BICDL1: variants seen among roughly 807,000 people sequenced by gnomAD.
The protein encoded by BICDL1 is BICD family-like cargo adapter 1.
In BICDL1, 20 loss-of-function variants were observed where a neutral mutation model predicts 76.8. That is an observed-to-expected ratio of 0.26 (90% CI 0.18 to 0.38). The LOEUF is 0.38. Among genes scored for constraint, BICDL1 ranks in the 10% least tolerant of loss-of-function variants. The pLI is 1.00. For synonymous variants in BICDL1, 383 were observed against 337.1 expected (o/e 1.14, Z -1.49); for missense variants, 700 against 798.6 (o/e 0.88, Z 1.49).
intron 2 of BICDL1, among the ~76,000 whole-genome samples, chr12:120,004,931 C>T (rs978497677): frequency 2.1e-4 from 32 of 152,114 alleles, no homozygotes; most frequent in Non-Finnish European, 4.6e-4. Context: ...AAGGGATTCT[C>T]CTGTCTCAGC....
chr12:120,071,814 C>G lies in BICDL1; in HGVS notation c.1089+13C>G, dbSNP rs1159513426. 1.3e-6 allele frequency: 2 copies of G among 1,591,052 alleles called. No individual in the cohort carries two copies. Among genetic ancestry groups the G allele is most frequent in the Admixed American group, 1.8e-5 (1 of 56,868 alleles). On this transcript the variant is annotated intron_variant, in intron 5 of 9. Coordinates refer to ENST00000548673, the MANE Select transcript of BICDL1 (RefSeq NM_001367886.1). The surrounding 1 kb of genome is among the most constrained non-coding windows in gnomAD (Gnocchi z 4.8). ...GGAGCGAGAGCAGGTGCTGACCTGC[C>G]TGTCACCCCACAGGCGAGGCTACCT... is the stretch of plus-strand genomic sequence containing the variant.
chr12:120,030,869 CAAAT>C (rs1229768280), intron 2 of BICDL1, among the ~76,000 whole-genome samples: 1 of 152,160 alleles, frequency 6.6e-6, no homozygotes, highest in Non-Finnish European at 1.5e-5. Context: ...CTGGGTATGA[CAAAT>C]AACCAGTTTG....
Position 120,050,336 on chromosome 12 carries a change from G to A in BICDL1, c.646-11374G>A, listed in dbSNP as rs575170221. 1.5e-3 allele frequency among the ~76,000 whole-genome samples: 223 copies of A among 149,338 alleles called. 1 individual carries two copies. Among genetic ancestry groups the A allele is most frequent in the African/African-American group, 5.1e-3 (205 of 40,506 alleles). On this transcript the variant is annotated intron_variant, in intron 2 of 9. Transcript: ENST00000548673. ...GGCTGGAGTGCAGTGGCGTGATCTC[G>A]GCTCACTGCAAGCTACACCTCCTGG...
At chr12:120,088,519 G>A (rs1315444628) in intron 8 of BICDL1, among the ~76,000 whole-genome samples, 2 of 151,504 alleles carry the variant, frequency 1.3e-5, no homozygotes, top group African/African-American at 4.9e-5. Context: ...ACCACACCCA[G>A]CTAATTTTTG....
intron 2 of BICDL1, among the ~76,000 whole-genome samples, chr12:120,037,924 G>A (rs559896453): frequency 1.4e-4 from 22 of 152,290 alleles, no homozygotes; most frequent in African/African-American, 5.3e-4. Context: ...TTGGCAGGGA[G>A]CAAACTACTC....
intron 2 of BICDL1, among the ~76,000 whole-genome samples, chr12:120,035,720 T>C (rs1367044104): frequency 6.6e-6 from 1 of 152,212 alleles, no homozygotes; most frequent in Non-Finnish European, 1.5e-5. Context: ...AATGAAATGT[T>C]ATAATAAAAG....
intron 2 of BICDL1, among the ~76,000 whole-genome samples, chr12:120,036,731 C>T (rs1594147849): frequency 6.6e-6 from 1 of 152,116 alleles, no homozygotes; most frequent in Non-Finnish European, 1.5e-5. Context: ...CAAAAATTAG[C>T]CGGGCGTGGT....
At chr12:120,026,021 A>G (rs1355985891) in intron 2 of BICDL1, among the ~76,000 whole-genome samples, 5 of 152,044 alleles carry the variant, frequency 3.3e-5, no homozygotes, top group African/African-American at 1.2e-4. Flanking sequence ...TATTTTTATT[A>G]GAGATGGGGT....
At chr12:120,035,863 CCTTTG>C (rs939672379) in intron 2 of BICDL1, among the ~76,000 whole-genome samples, 5 of 152,102 alleles carry the variant, frequency 3.3e-5, no homozygotes, top group African/African-American at 1.2e-4. Context: ...TCATTCCTTT[CCTTTG>C]CTTTATAATG....
At chr12:120,017,611 A>G (rs771034013) in intron 2 of BICDL1, among the ~76,000 whole-genome samples, 1 of 152,134 alleles carries the variant, frequency 6.6e-6, no homozygotes, top group Non-Finnish European at 1.5e-5. Context: ...ACAGGTCTAT[A>G]GTTGTAGCTA....
chr12:120,016,300 T>A (rs781452009), intron 2 of BICDL1, among the ~76,000 whole-genome samples: 1 of 152,210 alleles, frequency 6.6e-6, no homozygotes, highest in Non-Finnish European at 1.5e-5. Flanking sequence ...TAATGGAGAT[T>A]TGGATTGTTT....
intron 2 of BICDL1, among the ~76,000 whole-genome samples, chr12:120,042,967 T>A (rs1179982544): frequency 2.0e-5 from 3 of 152,144 alleles, no homozygotes; most frequent in Admixed American, 6.6e-5. Flanking sequence ...GGGTGTGTTT[T>A]CCCTTGGGTG....
chr12:120,002,576 C>A (rs1238338046), intron 2 of BICDL1, among the ~76,000 whole-genome samples: 1 of 152,252 alleles, frequency 6.6e-6, no homozygotes, highest in Admixed American at 6.5e-5. Flanking sequence ...CAATCCACCT[C>A]TCTCATTACC....
At chr12:120,013,439 A>T (rs1047581109) in intron 2 of BICDL1, among the ~76,000 whole-genome samples, 32 of 134,890 alleles carry the variant, frequency 2.4e-4, no homozygotes, top group African/African-American at 3.9e-4. Context: ...CTTTAACCAG[A>T]GTGTGTGTGT....
chr12:120,076,748 C>T (rs1013902956), intron 7 of BICDL1, among the ~76,000 whole-genome samples: 5 of 152,228 alleles, frequency 3.3e-5, no homozygotes, highest in African/African-American at 4.8e-5. Flanking sequence ...CCACACCGCA[C>T]GTAGCAAAGC....
In BICDL1 at chr12:119,999,169, C is replaced by G. The variant is rs572570934; in HGVS notation, c.645+433C>G. 6.0e-5 allele frequency among the ~76,000 whole-genome samples: 9 copies of G among 151,158 alleles called. No homozygotes were observed. The East Asian group carries it at 1.2e-3, about 20-fold the overall frequency. On this transcript the variant is annotated intron_variant, in intron 2 of 9. Transcript: ENST00000548673. Reference sequence around the variant, plus strand: ...GTATGCCTTCGTTTTTAACAAAGTTCAGTATTTCTATCTACAAGAACTTTG... The same window carrying G: ...GTATGCCTTCGTTTTTAACAAAGTTGAGTATTTCTATCTACAAGAACTTTG...
intron 2 of BICDL1, among the ~76,000 whole-genome samples, chr12:120,051,842 G>A (rs779990666): frequency 2.6e-5 from 4 of 152,078 alleles, no homozygotes; most frequent in Non-Finnish European, 5.9e-5. Flanking sequence ...TTCTTTTTCT[G>A]CTCCAGAATC....
At chr12:120,008,134 A>G (rs984232748) in intron 2 of BICDL1, among the ~76,000 whole-genome samples, 2 of 148,788 alleles carry the variant, frequency 1.3e-5, no homozygotes, top group African/African-American at 2.5e-5. Context: ...GATGGAAGTC[A>G]TGATAATTAC....
At chr12:120,049,831 G>T (rs897803429) in intron 2 of BICDL1, among the ~76,000 whole-genome samples, 2 of 152,120 alleles carry the variant, frequency 1.3e-5, no homozygotes, top group African/African-American at 2.4e-5. Context: ...CTCTTCAGTT[G>T]TCACATGTGT....
Sources: allele counts gnomAD v4.1 joint callset (sites outside exome capture counted in the v4.1 genomes callset), GRCh38; gene constraint gnomAD v4.1.1; non-coding constraint Gnocchi (gnomAD v3.1); transcripts MANE v1.5; gene names NCBI Gene and HGNC (gene_info 2026-07-23, HGNC 2026-07-21).